MVB12B: variants seen among roughly 807,000 people sequenced by gnomAD.
MVB12B encodes the protein ESCRT-I complex subunit MVB12B.
A neutral mutation model predicts 41.6 loss-of-function variants in MVB12B; 16 were observed. That is an observed-to-expected ratio of 0.38 (90% confidence interval 0.26 to 0.58). The LOEUF (loss-of-function observed/expected upper bound fraction) is 0.58. MVB12B is among the 20% of genes least tolerant of loss of function. The pLI is 0.62. For missense variants in MVB12B, 274 were observed against 380.2 expected (o/e 0.72, Z 2.32); for synonymous variants, 133 against 139.7 (o/e 0.95, Z 0.34).
At chr9:126,475,888 AG>A (rs2119197366) in intron 7 of MVB12B, among the ~76,000 whole-genome samples, 1 of 152,346 alleles carries the variant, frequency 6.6e-6, no homozygotes, top group South Asian at 2.1e-4. Flanking sequence ...ATTTTCTAGA[AG>A]AACATAGGGA....
intron 9 of MVB12B, among the ~76,000 whole-genome samples, chr9:126,491,132 G>T (rs10117815): frequency 6.6e-6 from 1 of 152,176 alleles, no homozygotes; most frequent in Non-Finnish European, 1.5e-5. Flanking sequence ...TAGCATTTAC[G>T]TCACGACACT....
chr9:126,402,252 A>G (rs1216939784), intron 6 of MVB12B, among the ~76,000 whole-genome samples: 2 of 152,162 alleles, frequency 1.3e-5, no homozygotes, highest in Non-Finnish European at 2.9e-5. Context: ...AAATTGTGAC[A>G]TGGATTTTGA....
intron 5 of MVB12B, among the ~76,000 whole-genome samples, chr9:126,393,089 GGGCCT>G (rs1354034154): frequency 2.0e-5 from 3 of 152,244 alleles, no homozygotes; most frequent in Non-Finnish European, 2.9e-5. Context: ...CACTGAGCAT[GGGCCT>G]GGCTCTGTTG....
chr9:126,502,338 G>A (rs1249659086), intron 9 of MVB12B, among the ~76,000 whole-genome samples: 1 of 150,284 alleles, frequency 6.7e-6, no homozygotes, highest in African/African-American at 2.5e-5. Context: ...TTTGGGCACC[G>A]AGACCTCACC....
At chr9:126,476,529 C>T (rs554772101) in intron 7 of MVB12B, among the ~76,000 whole-genome samples, 7 of 152,250 alleles carry the variant, frequency 4.6e-5, no homozygotes, top group African/African-American at 1.7e-4. Flanking sequence ...CATATGCATA[C>T]GTATGCACTT....
intron 1 of MVB12B, among the ~76,000 whole-genome samples, chr9:126,336,750 G>GCA (rs1306839743): frequency 3.0e-5 from 1 of 33,616 alleles, no homozygotes; most frequent in Non-Finnish European, 6.5e-5. Context: ...GTTTGTGTGT[G>GCA]CACGCACACA....
chr9:126,352,487 TTTTG>T (rs1829778153), intron 2 of MVB12B, among the ~76,000 whole-genome samples: 3 of 152,132 alleles, frequency 2.0e-5, no homozygotes, highest in Admixed American at 6.5e-5. Context: ...CTTCTGTTGT[TTTTG>T]TTTGTTTGTT....
At chr9:126,474,481 G>C (rs1420918910) in intron 7 of MVB12B, among the ~76,000 whole-genome samples, 1 of 152,128 alleles carries the variant, frequency 6.6e-6, no homozygotes, top group Non-Finnish European at 1.5e-5. Context: ...AATATGAAAA[G>C]GCTGCCCAGA....
intron 2 of MVB12B, among the ~76,000 whole-genome samples, chr9:126,370,477 G>A (rs1006241386): frequency 2.6e-5 from 4 of 151,322 alleles, no homozygotes; most frequent in African/African-American, 9.7e-5. Flanking sequence ...CTGCCTCTGG[G>A]TTCAAGTGAT....
intron 2 of MVB12B, among the ~76,000 whole-genome samples, chr9:126,377,206 C>T (rs1268776378): frequency 6.6e-6 from 1 of 152,222 alleles, no homozygotes; most frequent in Non-Finnish European, 1.5e-5. Flanking sequence ...TGCTCCTCCT[C>T]AGAGACAGCT....
At chr9:126,449,968 G>C (rs1420528379) in intron 7 of MVB12B, among the ~76,000 whole-genome samples, 1 of 152,168 alleles carries the variant, frequency 6.6e-6, no homozygotes, top group Non-Finnish European at 1.5e-5. Flanking sequence ...GCCTCCTACG[G>C]AATTCCGTAG....
chr9:126,478,883 G>C lies in MVB12B; in HGVS notation c.758-2486G>C, dbSNP rs1233780529. ...ATGTAGATAGAAACAACTGTCACCA[G>C]TGAGAGGCAGTTCTTCACTCCCAAA... On this transcript the variant is annotated intron_variant, in intron 7 of 9. Transcript: ENST00000361171. This position sits in a 1 kb window ranked among gnomAD's most constrained non-coding sequence, Gnocchi z 4.2. Among the ~76,000 whole-genome samples, 1 of 152,230 alleles carries C rather than the reference G, an allele frequency of 6.6e-6. No homozygotes were observed. Among genetic ancestry groups the C allele is most frequent in the Non-Finnish European group, 1.5e-5 (1 of 68,036 alleles).
chr9:126,416,198 G>T (rs1415775043), intron 6 of MVB12B, among the ~76,000 whole-genome samples: 1 of 152,200 alleles, frequency 6.6e-6, no homozygotes, highest in Non-Finnish European at 1.5e-5. Context: ...TGCCGGGGTG[G>T]CAAGAATGGG....
intron 7 of MVB12B, among the ~76,000 whole-genome samples, chr9:126,442,668 G>A (rs1294387090): frequency 1.3e-5 from 2 of 152,148 alleles, no homozygotes; most frequent in Non-Finnish European, 2.9e-5. Context: ...TGGGACCCAG[G>A]CTGAAAGAGC....
chr9:126,439,058 A>T (rs1054039900), intron 7 of MVB12B, among the ~76,000 whole-genome samples: 9 of 151,994 alleles, frequency 5.9e-5, no homozygotes, highest in Non-Finnish European at 1.2e-4. Context: ...AAAGGGTTCG[A>T]TTCCCTTAGC....
intron 7 of MVB12B, among the ~76,000 whole-genome samples, chr9:126,470,029 A>AG (rs1199430851): frequency 6.6e-6 from 1 of 152,258 alleles, no homozygotes; most frequent in East Asian, 1.9e-4. Flanking sequence ...ATAAGGCCCT[A>AG]GGTACAAACT....
Position 126,498,269 on chromosome 9 carries a change from G to C in MVB12B, c.874-4908G>C, listed in dbSNP as rs779732823. ...GGGGATGACTGGAGTGCTGAGCCGG[G>C]GGGGCTTGGAGAAGCAGACAGGTGG... is the stretch of plus-strand genomic sequence containing the variant. On this transcript the variant is annotated intron_variant, in intron 9 of 9. Coordinates refer to ENST00000361171, the MANE Select transcript of MVB12B (RefSeq NM_033446.3). Among the ~76,000 whole-genome samples, 16 of 152,296 alleles carry C rather than the reference G, an allele frequency of 1.1e-4. No homozygotes were observed. In the East Asian group the frequency reaches 2.5e-3, roughly 24 times the overall value.
In MVB12B at chr9:126,349,840, G is replaced by A. The variant is rs564635712; in HGVS notation, c.204+9210G>A. ...ATACTCAGGTGAAGGCTTTCATGTG[G>A]CTGTGTTTTTATTCCTCTGGGATAA... On this transcript the variant is annotated intron_variant, in intron 2 of 9. Coordinates refer to ENST00000361171, the MANE Select transcript of MVB12B (RefSeq NM_033446.3). 1.8e-4 allele frequency among the ~76,000 whole-genome samples: 27 copies of A among 152,336 alleles called. No individual in the cohort carries two copies. The East Asian group carries it at 4.4e-3, about 25-fold the overall frequency.
Position 126,392,158 on chromosome 9 carries a change from C to G in MVB12B, c.502C>G (p.Arg168Gly). The change falls in exon 5 of 10, where the codon CGG (arginine) becomes GGG (glycine). Residue 168 changes from arginine (R) to glycine (G), a missense_variant. Transcript: ENST00000361171. This position sits in a 1 kb window ranked among gnomAD's most constrained non-coding sequence, Gnocchi z 4.8. ...GATTTGTGACATTCGGATCATGGGCCGGACCAAGCAGGCCCCGCCTCAGTA... is the reference window on the plus strand; with the variant it reads ...GATTTGTGACATTCGGATCATGGGCGGGACCAAGCAGGCCCCGCCTCAGTA... ...AAICDIRIMG[R>G]TKQAPPQYTF... 1 of 1,614,140 alleles carries G rather than the reference C, an allele frequency of 6.2e-7. No homozygotes were observed. The highest frequency in any genetic ancestry group is 1.1e-5 in the South Asian group (1 of 91,070).
Sources: allele counts gnomAD v4.1 joint callset (sites outside exome capture counted in the v4.1 genomes callset), GRCh38; gene constraint gnomAD v4.1.1; non-coding constraint Gnocchi (gnomAD v3.1); transcripts MANE v1.5; gene names NCBI Gene and HGNC (gene_info 2026-07-23, HGNC 2026-07-21).